The following PLCH1 variants were observed in gnomAD, a reference collection of about 807,000 sequenced individuals.
The protein encoded by PLCH1 is phospholipase C eta 1.
In PLCH1, 60 loss-of-function variants were observed where a neutral mutation model predicts 126.7. That is an observed-to-expected ratio of 0.47 (90% confidence interval 0.38 to 0.59). The LOEUF is 0.59. Among genes scored for constraint, PLCH1 ranks in the 20% least tolerant of loss-of-function variants. The pLI is 0.00. For synonymous variants in PLCH1, 719 were observed against 734.9 expected, an observed-to-expected ratio of 0.98 and a Z score of 0.35; for missense variants, 1,723 against 2,040.0, an observed-to-expected ratio of 0.84 and a Z score of 2.99.
intron 8 of PLCH1, among the ~76,000 whole-genome samples, chr3:155,564,348 A>G (rs1728028075): frequency 6.6e-6 from 1 of 152,112 alleles, no homozygotes; most frequent in Non-Finnish European, 1.5e-5. Context: ...GTGGATCATG[A>G]GGTCAGAGAT....
chr3:155,618,421 ACAGC>A (rs1736049940), intron 2 of PLCH1, among the ~76,000 whole-genome samples: 1 of 152,168 alleles, frequency 6.6e-6, no homozygotes, highest in South Asian at 2.1e-4. Context: ...AAAATGTCAA[ACAGC>A]CACCGTCCTC....
At chr3:155,504,235 T>TA (rs1718327910) in intron 13 of PLCH1, among the ~76,000 whole-genome samples, 1 of 152,190 alleles carries the variant, frequency 6.6e-6, no homozygotes, top group African/African-American at 2.4e-5. Context: ...ATAGAATATA[T>TA]AATACACATA....
At chr3:155,582,265 T>C (rs1300557567) in intron 6 of PLCH1, among the ~76,000 whole-genome samples, 2 of 150,744 alleles carry the variant, frequency 1.3e-5, no homozygotes, top group African/African-American at 4.9e-5. Flanking sequence ...GTATTTTTAG[T>C]AGAGACTGGG....
rs1308831304 is a variant in PLCH1 at position 155,455,736 on chromosome 3, C to T, written c.2938+29620G>A. Among the ~76,000 whole-genome samples the T allele has an allele frequency of 2.6e-5, 4 of 152,214 alleles. No homozygotes were observed. In the East Asian group the frequency reaches 5.8e-4, roughly 22 times the overall value. On this transcript the variant is annotated intron_variant, in intron 21 of 21. Transcript: ENST00000494598. ...AGAGGCTTTGTTTCCTAATTAAGCACACAGAATATTCTTTACTTCTACAAA... is the reference window on the plus strand; with the variant it reads ...AGAGGCTTTGTTTCCTAATTAAGCATACAGAATATTCTTTACTTCTACAAA...
intron 10 of PLCH1, among the ~76,000 whole-genome samples, chr3:155,529,204 T>A (rs185419584): frequency 1.3e-5 from 2 of 152,272 alleles, no homozygotes; most frequent in Admixed American, 1.3e-4. Flanking sequence ...AATTTGTCTA[T>A]GGTATATGGA....
chr3:155,716,961 G>A (rs1341547074), intron 1 of PLCH1, among the ~76,000 whole-genome samples: 1 of 152,194 alleles, frequency 6.6e-6, no homozygotes, highest in Admixed American at 6.5e-5. Flanking sequence ...ACCAAAGCAA[G>A]TTCTCTACTT....
intron 1 of PLCH1, among the ~76,000 whole-genome samples, chr3:155,726,170 T>G (rs944532006): frequency 6.6e-6 from 1 of 152,236 alleles, no homozygotes; most frequent in Non-Finnish European, 1.5e-5. Flanking sequence ...TGTTTTAACT[T>G]AAACTTTCTT....
At chr3:155,590,560 A>G (rs373854988) in intron 4 of PLCH1, among the ~76,000 whole-genome samples, 8 of 145,834 alleles carry the variant, frequency 5.5e-5, no homozygotes, top group African/African-American at 2.0e-4. Context: ...CCTGGGCGAC[A>G]GAGCCAGACT....
intron 4 of PLCH1, among the ~76,000 whole-genome samples, chr3:155,590,270 G>T (rs1416494267): frequency 6.6e-6 from 1 of 152,162 alleles, no homozygotes; most frequent in African/African-American, 2.4e-5. Flanking sequence ...AATTAAGGAT[G>T]TGATCCCATT....
intron 1 of PLCH1, among the ~76,000 whole-genome samples, chr3:155,708,952 T>C (rs1418937366): frequency 6.6e-6 from 1 of 152,224 alleles, no homozygotes; most frequent in Non-Finnish European, 1.5e-5. Context: ...CCCTCCCCCT[T>C]AGCCCCTGAC....
downstream of PLCH1, among the ~76,000 whole-genome samples, chr3:155,476,395 T>C (rs1713547517): frequency 6.6e-6 from 1 of 152,034 alleles, no homozygotes. Context: ...ATGATGAGGG[T>C]GCCCACTGTC....
At chr3:155,635,558 G>T (rs575854028) in intron 2 of PLCH1, among the ~76,000 whole-genome samples, 10 of 152,128 alleles carry the variant, frequency 6.6e-5, no homozygotes, top group Non-Finnish European at 1.5e-4. Flanking sequence ...TCAAAACAAA[G>T]GCAGTCTTTA....
At position 155,492,767 on chromosome 3, in the gene PLCH1, G is replaced by T. The variant is rs753623893; in HGVS notation, c.2269C>A (p.Pro757Thr). Reference protein sequence around the residue: ...ILKVISGQQLPKPPDSMFGDR... With the variant: ...ILKVISGQQLTKPPDSMFGDR... ...CCAAACATGGAGTCTGGAGGTTTGG[G>T]GAGTTGCTGTCCACTGATAACTTTC... The change falls in exon 18 of 23, where the codon CCC becomes ACC. Residue 757 changes from proline (P) to threonine (T), a missense_variant. Pro to Thr is a conservative substitution (Grantham distance 38). This residue lies in a region of PLCH1 where 776 missense variants were observed against 1,062.9 expected (regional missense o/e 0.73). Transcript: ENST00000460012. 5.0e-6 allele frequency: 8 copies of T among 1,605,582 alleles called. No individual in the cohort carries two copies. Among genetic ancestry groups the T allele is most frequent in the African/African-American group, 2.7e-5 (2 of 74,572 alleles).
chr3:155,608,967 A>G (rs1217949572), intron 2 of PLCH1, among the ~76,000 whole-genome samples: 2 of 152,178 alleles, frequency 1.3e-5, no homozygotes, highest in Non-Finnish European at 2.9e-5. Context: ...CTCAAGACAG[A>G]ATAACTCTGC....
chr3:155,557,144 A>G (rs910126622), intron 8 of PLCH1, among the ~76,000 whole-genome samples: 2 of 152,200 alleles, frequency 1.3e-5, no homozygotes, highest in African/African-American at 2.4e-5. Flanking sequence ...GGTCATATGT[A>G]TCAACAACAT....
chr3:155,481,529 A>T lies in PLCH1; in HGVS notation c.4497T>A (p.Phe1499Leu). The T allele has an allele frequency of 6.2e-7, 1 of 1,614,178 alleles. No individual in the cohort carries two copies. The highest frequency in any genetic ancestry group is 8.5e-7 in the Non-Finnish European group (1 of 1,180,028). The change falls in exon 23 of 23, where the codon TTT (phenylalanine) becomes TTA (leucine). Residue 1499 changes from phenylalanine (F) to leucine (L), a missense_variant. This residue lies in a region of PLCH1 where 947 missense variants were observed against 977.1 expected (regional missense o/e 0.97). Transcript: ENST00000460012. The surrounding 1 kb of genome is among the most constrained non-coding windows in gnomAD (Gnocchi z 4.2). ...TACTAATACACTGGTACTTGCTCTC[A>T]AAATTGCAGGCAATGTCCTCTGATG... ...DLTSEDIACNFESKYQCISKS... is the reference protein window; with the variant it reads ...DLTSEDIACNLESKYQCISKS...
At chr3:155,544,213 CA>C (rs1012733421) in intron 10 of PLCH1, among the ~76,000 whole-genome samples, 1 of 151,760 alleles carries the variant, frequency 6.6e-6, no homozygotes, top group Non-Finnish European at 1.5e-5. Context: ...AAATGGAAAA[CA>C]AAAAAAGGCA....
chr3:155,723,608 C>A (rs769240474), intron 1 of PLCH1, among the ~76,000 whole-genome samples: 11 of 151,954 alleles, frequency 7.2e-5, no homozygotes, highest in Non-Finnish European at 1.6e-4. Context: ...TGTTGTATCC[C>A]AAAGGTTTTG....
At chr3:155,695,117 T>A (rs919140389) in intron 2 of PLCH1, among the ~76,000 whole-genome samples, 1 of 152,166 alleles carries the variant, frequency 6.6e-6, no homozygotes, top group Admixed American at 6.5e-5. Context: ...AATAGTGCTA[T>A]TTTAAAGAGA....
Sources: gnomAD v4.1 joint callset for allele counts (sites outside exome capture counted in the v4.1 genomes callset) on GRCh38, gnomAD v4.1.1 for gene constraint, gnomAD v4.1.1 regional missense constraint, Gnocchi (gnomAD v3.1) non-coding constraint, MANE v1.5 for transcripts, NCBI Gene and HGNC (gene_info 2026-07-23, HGNC 2026-07-21) for gene names.